The following LHFPL4 variants were observed in gnomAD, a reference collection of about 807,000 sequenced individuals.
The protein encoded by LHFPL4 is LHFPL tetraspan subfamily member 4.
In LHFPL4, 6 loss-of-function variants were observed where a neutral mutation model predicts 20.0. The observed-to-expected ratio is 0.30, with a 90% CI of 0.16 to 0.59. The LOEUF (loss-of-function observed/expected upper bound fraction) is 0.59, where lower values mean the gene tolerates loss of function less well. Among genes scored for constraint, LHFPL4 ranks in the 20% least tolerant of loss-of-function variants. The pLI is 0.88. For synonymous variants in LHFPL4, 129 were observed against 143.8 expected (o/e 0.90, Z 0.74); for missense variants, 215 against 331.2 (o/e 0.65, Z 2.72).
In LHFPL4 at chr3:9,545,101, CAAG is replaced by C. The variant is rs377314294; in HGVS notation, c.406+7170_406+7172del. ...CAGTAAAGGGTTGATGTGAGAAACA[CAAG>C]AAGAGGGGTGGGGAGAGGGAAGTGA... is the stretch of plus-strand genomic sequence containing the variant. On this transcript the variant is annotated intron_variant, in intron 2 of 3. Coordinates refer to ENST00000287585, the MANE Select transcript of LHFPL4 (RefSeq NM_198560.3). 8.9e-4 allele frequency among the ~76,000 whole-genome samples: 134 copies of C among 149,888 alleles called. 1 individual carries two copies. In the South Asian group the frequency reaches 9.3e-3, roughly 10 times the overall value.
chr3:9,507,881 C>T (rs2046229792), intron 2 of LHFPL4, among the ~76,000 whole-genome samples: 2 of 152,226 alleles, frequency 1.3e-5, no homozygotes, highest in Non-Finnish European at 2.9e-5. Flanking sequence ...TGGGGTCTTC[C>T]CCTCCACCAG....
intron 2 of LHFPL4, among the ~76,000 whole-genome samples, chr3:9,547,609 G>T (rs548146827): frequency 6.6e-6 from 1 of 152,160 alleles, no homozygotes; most frequent in African/African-American, 2.4e-5. Context: ...GTGTGAAAAC[G>T]TCTAGCATAG....
chr3:9,548,098 G>T (rs1247852065), intron 2 of LHFPL4, among the ~76,000 whole-genome samples: 1 of 152,126 alleles, frequency 6.6e-6, no homozygotes, highest in African/African-American at 2.4e-5. Flanking sequence ...GAGCCACCGA[G>T]CCTGGCTGAT....
intron 2 of LHFPL4, among the ~76,000 whole-genome samples, chr3:9,551,292 T>A (rs958538330): frequency 2.0e-5 from 3 of 152,104 alleles, no homozygotes; most frequent in Admixed American, 6.6e-5. Flanking sequence ...CTCTTTCTCA[T>A]CCCTGGAAGA....
chr3:9,522,040 A>G (rs2046340992), intron 2 of LHFPL4, among the ~76,000 whole-genome samples: 1 of 152,104 alleles, frequency 6.6e-6, no homozygotes, highest in African/African-American at 2.4e-5. Flanking sequence ...AATATCAGTT[A>G]TACTTAAAAA....
intron 1 of LHFPL4, among the ~76,000 whole-genome samples, chr3:9,553,066 A>G (rs1208258405): frequency 1.3e-5 from 2 of 149,922 alleles, no homozygotes; most frequent in African/African-American, 4.9e-5. Flanking sequence ...GTAGGAGGGG[A>G]CAAGGGGAGG....
intron 2 of LHFPL4, among the ~76,000 whole-genome samples, chr3:9,510,402 A>T (rs1022913794): frequency 6.7e-6 from 1 of 150,136 alleles, no homozygotes; most frequent in Non-Finnish European, 1.5e-5. Context: ...GCACCATTGC[A>T]CTACAGCCTA....
intron 2 of LHFPL4, among the ~76,000 whole-genome samples, chr3:9,512,322 G>A (rs1391084650): frequency 6.6e-6 from 1 of 152,162 alleles, no homozygotes; most frequent in Non-Finnish European, 1.5e-5. Context: ...AACCCATTTC[G>A]TAGAGCTTCT....
chr3:9,509,303 C>T (rs1166773887), intron 2 of LHFPL4, among the ~76,000 whole-genome samples: 3 of 151,352 alleles, frequency 2.0e-5, no homozygotes, highest in African/African-American at 7.3e-5. Flanking sequence ...GGACCCCCGC[C>T]CCTCCCGCTT....
chr3:9,516,753 C>T lies in LHFPL4; in HGVS notation c.407-10550G>A, dbSNP rs139858548. 2.6e-3 allele frequency among the ~76,000 whole-genome samples: 387 copies of T among 149,594 alleles called. 3 individuals carry two copies. The highest frequency in any genetic ancestry group is 9.0e-3 in the African/African-American group (364 of 40,596). Reference sequence around the variant, plus strand: ...CCTCTCAAAGTGCTGGGATTACAGGCGTGAGCCATTGCGCCCAGCCACACA... The same window carrying T: ...CCTCTCAAAGTGCTGGGATTACAGGTGTGAGCCATTGCGCCCAGCCACACA... On this transcript the variant is annotated intron_variant, in intron 2 of 3. Coordinates refer to ENST00000287585, the MANE Select transcript of LHFPL4 (RefSeq NM_198560.3).
chr3:9,536,835 C>T (rs895735110), intron 2 of LHFPL4, among the ~76,000 whole-genome samples: 4 of 151,072 alleles, frequency 2.6e-5, no homozygotes, highest in African/African-American at 9.7e-5. Flanking sequence ...AGGAGAATGG[C>T]GTGAACCTGA....
At chr3:9,548,816 A>C (rs764675047) in intron 2 of LHFPL4, among the ~76,000 whole-genome samples, 1 of 152,172 alleles carries the variant, frequency 6.6e-6, no homozygotes, top group Non-Finnish European at 1.5e-5. Context: ...AGAGGTGGAC[A>C]CTTGACCAAG....
chr3:9,517,686 CA>C (rs59022029), intron 2 of LHFPL4, among the ~76,000 whole-genome samples: 41,868 of 96,816 alleles, frequency 0.43, 5,500 homozygotes, highest in South Asian at 0.49. Flanking sequence ...GACTCTGTCT[CA>C]AAAAAAAAAA....
At chr3:9,505,941 T>G (rs1372150839) in intron 3 of LHFPL4, 26 bp downstream of exon 3, 2 of 1,602,354 alleles carry the variant, frequency 1.2e-6, no homozygotes, top group African/African-American at 2.7e-5. Flanking sequence ...CTCCCGCCGC[T>G]GCCCCCCAGC....
intron 3 of LHFPL4, among the ~76,000 whole-genome samples, chr3:9,504,414 T>A (rs1439625619): frequency 6.6e-6 from 1 of 150,436 alleles, no homozygotes; most frequent in African/African-American, 2.4e-5. Context: ...ACGCTACCCA[T>A]AATTTGCATA....
At chr3:9,515,886 T>A (rs529895010) in intron 2 of LHFPL4, among the ~76,000 whole-genome samples, 1 of 152,134 alleles carries the variant, frequency 6.6e-6, no homozygotes, top group East Asian at 1.9e-4. Flanking sequence ...GGCTAATTTT[T>A]GTATTTTTAG....
intron 3 of LHFPL4, among the ~76,000 whole-genome samples, chr3:9,503,953 G>A (rs943544866): frequency 2.6e-5 from 4 of 152,188 alleles, no homozygotes; most frequent in African/African-American, 9.6e-5. Context: ...TTAAGCCCAG[G>A]AGTTTGAGGC....
chr3:9,552,390 A>G lies in LHFPL4; in HGVS notation c.290T>C (p.Phe97Ser), dbSNP rs1215259411. The G allele has an allele frequency of 1.2e-6, 2 of 1,613,926 alleles. No individual in the cohort carries two copies. The change falls in exon 2 of 4, where the codon TTC becomes TCC. Residue 97 changes from phenylalanine (F) to serine (S), a missense_variant. By Grantham distance (155) the Phe-to-Ser change is radical. Around this residue, in one of 2 missense-constraint regions of LHFPL4, gnomAD observed 164 missense variants for 286.7 expected, o/e 0.57. Transcript: ENST00000287585. ...IPSSAFKAAA[F>S]FVLLSMVLIL... ...CAGCACCATGGAGAGCAGCACGAAG[A>G]AGGCGGCCGCCTTGAAGGCGCTGGA...
intron 2 of LHFPL4, among the ~76,000 whole-genome samples, chr3:9,532,260 C>T (rs1372146118): frequency 6.6e-6 from 1 of 152,088 alleles, no homozygotes; most frequent in African/African-American, 2.4e-5. Flanking sequence ...AACTCCTGAC[C>T]TTAGGTGATC....
Sources: gnomAD v4.1 joint callset for allele counts (sites outside exome capture counted in the v4.1 genomes callset) on GRCh38, gnomAD v4.1.1 for gene constraint, gnomAD v4.1.1 regional missense constraint, MANE v1.5 for transcripts, NCBI Gene and HGNC (gene_info 2026-07-23, HGNC 2026-07-21) for gene names.